Variants in AGBL1 observed in about 807,000 individuals in gnomAD.
AGBL1 encodes the protein AGBL carboxypeptidase 1, also known as cytosolic carboxypeptidase 4.
AGBL1 carries 130 observed loss-of-function variants against 118.9 expected under a neutral mutation model. The observed-to-expected ratio is 1.09, with a 90% confidence interval of 0.95 to 1.26. The LOEUF is 1.26. Among genes scored for constraint, AGBL1 ranks in the 50% most tolerant of loss-of-function variants. The pLI is 0.00. For synonymous variants in AGBL1, 555 were observed against 478.9 expected (o/e 1.16, Z -2.08); for missense variants, 1,584 against 1,298.1 (o/e 1.22, Z -3.38).
intron 16 of AGBL1, among the ~76,000 whole-genome samples, chr15:86,287,956 C>T (rs2079480887): frequency 6.6e-6 from 1 of 150,702 alleles, no homozygotes; most frequent in Non-Finnish European, 1.5e-5. Flanking sequence ...AATCCTGCAT[C>T]CACAGAAATA....
intron 23 of AGBL1, among the ~76,000 whole-genome samples, chr15:86,952,249 T>C (rs900529232): frequency 6.6e-5 from 10 of 152,064 alleles, no homozygotes; most frequent in Non-Finnish European, 1.3e-4. Context: ...AAAAATTTTT[T>C]TGTCACTCTT....
chr15:86,283,151 A>T (rs2079382462), intron 16 of AGBL1, among the ~76,000 whole-genome samples: 1 of 152,192 alleles, frequency 6.6e-6, no homozygotes, highest in South Asian at 2.1e-4. Context: ...GTATCAAGTT[A>T]TCAGTAATTG....
intron 16 of AGBL1, among the ~76,000 whole-genome samples, chr15:86,294,171 G>A (rs887528177): frequency 1.2e-4 from 18 of 152,024 alleles, no homozygotes; most frequent in African/African-American, 2.4e-4. Flanking sequence ...GCCAAGCAGC[G>A]TGGATCACCT....
At position 86,870,308 on chromosome 15, in the gene AGBL1, A is replaced by T. The variant is rs138114855; in HGVS notation, c.3159-36779A>T. ...AGAAATCTGAGGCTTTGAGAATTTA[A>T]GTCACATCTTGAAGGTCAAATAATG... is the stretch of plus-strand genomic sequence containing the variant. On this transcript the variant is annotated intron_variant, in intron 22 of 22. Coordinates refer to ENST00000614907, the MANE Select transcript of AGBL1 (RefSeq NM_001386094.1). Among the ~76,000 whole-genome samples, 8 of 150,806 alleles carry T rather than the reference A, an allele frequency of 5.3e-5. No individual in the cohort carries two copies. The East Asian group carries it at 1.6e-3, about 29-fold the overall frequency.
intron 18 of AGBL1, among the ~76,000 whole-genome samples, chr15:86,514,015 T>C (rs1325432687): frequency 6.6e-6 from 1 of 152,022 alleles, no homozygotes; most frequent in Non-Finnish European, 1.5e-5. Flanking sequence ...CTGGTTTCTT[T>C]TATTCAATAA....
chr15:86,850,943 C>T (rs1368699072), intron 22 of AGBL1, among the ~76,000 whole-genome samples: 1 of 152,072 alleles, frequency 6.6e-6, no homozygotes, highest in Non-Finnish European at 1.5e-5. Context: ...TTGCCATGCC[C>T]ATTTTATTGA....
chr15:86,847,389 A>T (rs570535734), intron 22 of AGBL1, among the ~76,000 whole-genome samples: 3 of 152,292 alleles, frequency 2.0e-5, no homozygotes, highest in African/African-American at 7.2e-5. Flanking sequence ...CTGAATTCTG[A>T]TATGCCTTCT....
rs114509190 is a variant in AGBL1, at chr15:86,589,447, C to T, written c.2994+34910C>T. On this transcript the variant is annotated intron_variant, in intron 21 of 22. Coordinates refer to ENST00000614907, the MANE Select transcript of AGBL1 (RefSeq NM_001386094.1). ...GGTTAAATTTGTAGACATTTTGTGC[C>T]TTAATGGCAGCAAGGGTTGCACAAT... 5.4e-3 allele frequency among the ~76,000 whole-genome samples: 827 copies of T among 152,180 alleles called. 11 individuals are homozygous for T. Among genetic ancestry groups the T allele is most frequent in the African/African-American group, 0.019 (775 of 41,528 alleles).
intron 18 of AGBL1, among the ~76,000 whole-genome samples, chr15:86,467,468 C>T (rs1382448019): frequency 6.6e-6 from 1 of 152,196 alleles, no homozygotes; most frequent in Admixed American, 6.5e-5. Flanking sequence ...GCCCCCTTTC[C>T]AGGGCAGTGA....
intron 24 of AGBL1, among the ~76,000 whole-genome samples, chr15:87,009,344 T>G (rs2081535426): frequency 6.6e-6 from 1 of 152,192 alleles, no homozygotes; most frequent in African/African-American, 2.4e-5. Context: ...CACATGGTGT[T>G]GAGCCTGTGA....
chr15:86,789,845 A>C (rs923486367), intron 22 of AGBL1, among the ~76,000 whole-genome samples: 7 of 152,208 alleles, frequency 4.6e-5, no homozygotes, highest in South Asian at 2.1e-4. Context: ...AGTCTTATCA[A>C]ATTTATCTGT....
chr15:86,266,219 T>C, intron 11 of AGBL1, among the ~76,000 whole-genome samples, 155 bp from the exon 12 acceptor site: 1 of 152,212 alleles, frequency 6.6e-6, no homozygotes, highest in East Asian at 1.9e-4. Flanking sequence ...GCAGGGCTAT[T>C]TGTATGCTCT....
intron 22 of AGBL1, among the ~76,000 whole-genome samples, chr15:86,691,304 A>G (rs778527033): frequency 1.3e-5 from 2 of 152,182 alleles, no homozygotes; most frequent in Non-Finnish European, 2.9e-5. Context: ...GAGCTTGTGT[A>G]AGCACTGAGA....
chr15:86,421,954 G>A (rs2081797221), intron 18 of AGBL1, among the ~76,000 whole-genome samples: 1 of 152,140 alleles, frequency 6.6e-6, no homozygotes, highest in Admixed American at 6.5e-5. Context: ...CATAAAGCAT[G>A]TTCTTAGAGA....
intron 17 of AGBL1, among the ~76,000 whole-genome samples, chr15:86,380,958 G>GTA (rs2081106562): frequency 1.3e-5 from 2 of 151,656 alleles, no homozygotes; most frequent in South Asian, 2.2e-4. Flanking sequence ...GTGTGTGTGT[G>GTA]TACCAGTCAC....
intron 22 of AGBL1, among the ~76,000 whole-genome samples, chr15:86,709,231 A>G (rs1351847419): frequency 1.3e-5 from 2 of 152,128 alleles, no homozygotes; most frequent in East Asian, 3.8e-4. Flanking sequence ...TTCTTACATC[A>G]GTCTATAGTG....
chr15:86,955,331 TA>T lies in AGBL1; in HGVS notation c.3222-32652del, dbSNP rs375055173. Among the ~76,000 whole-genome samples the T allele has an allele frequency of 8.2e-4, 125 of 152,146 alleles. 1 individual carries two copies. The highest frequency in any genetic ancestry group is 3.4e-3 in the Middle Eastern group (1 of 294). The stretch of plus-strand genomic sequence containing the variant: ...GAATCACAATGAAAACCCTGAAGGT[TA>T]AAATGAGTGGGTTGCTAACAAAATA... On this transcript the variant is annotated intron_variant, in intron 23 of 24. Coordinates refer to the AGBL1 transcript ENST00000441037.
intron 22 of AGBL1, among the ~76,000 whole-genome samples, chr15:86,739,346 G>A (rs1165820632): frequency 1.3e-5 from 2 of 151,340 alleles, no homozygotes; most frequent in African/African-American, 4.9e-5. Flanking sequence ...AAGAGGCTGA[G>A]GCAGGAGAAT....
chr15:86,866,199 T>A (rs2079626458), intron 22 of AGBL1, among the ~76,000 whole-genome samples: 1 of 152,158 alleles, frequency 6.6e-6, no homozygotes, highest in Non-Finnish European at 1.5e-5. Flanking sequence ...AAATAAACAT[T>A]CCATTGAAGG....
Sources: gnomAD v4.1 joint callset for allele counts (sites outside exome capture counted in the v4.1 genomes callset) on GRCh38, gnomAD v4.1.1 for gene constraint, MANE v1.5 for transcripts, NCBI Gene and HGNC (gene_info 2026-07-23, HGNC 2026-07-21) for gene names.